Variants in ARHGAP44 observed in about 807,000 individuals in gnomAD.
The protein encoded by ARHGAP44 is Rho GTPase activating protein 44.
Under a neutral mutation model 106.8 loss-of-function variants are expected in ARHGAP44, and 43 were observed. That is an observed-to-expected ratio of 0.40 (90% CI 0.32 to 0.52). The LOEUF (loss-of-function observed/expected upper bound fraction) is 0.52. Ranked by LOEUF, ARHGAP44 falls within the 20% of genes least tolerant of loss-of-function variation. The pLI is 0.48. For synonymous variants in ARHGAP44, 439 were observed against 410.3 expected (o/e 1.07, Z -0.85); for missense variants, 866 against 1,050.5 (o/e 0.82, Z 2.43).
chr17:12,971,355 G>A lies in ARHGAP44; in HGVS notation c.1524-1947G>A, dbSNP rs145147972. ...TTTGGCCCAGACCTTCTCACCAGGT[G>A]GGAAAGCCTTTTTCAAGTAGAAGAG... On this transcript the variant is annotated intron_variant, in intron 16 of 20. Coordinates refer to ENST00000379672, the MANE Select transcript of ARHGAP44 (RefSeq NM_014859.6). 4.5e-4 allele frequency among the ~76,000 whole-genome samples: 69 copies of A among 152,166 alleles called. 1 individual carries two copies. In the East Asian group the frequency reaches 0.013, roughly 28 times the overall value.
At chr17:12,970,727 T>C (rs1388573741) in intron 16 of ARHGAP44, among the ~76,000 whole-genome samples, 1 of 152,226 alleles carries the variant, frequency 6.6e-6, no homozygotes, top group East Asian at 1.9e-4. Context: ...AGCAGTGCCT[T>C]GATTCCAGCT....
chr17:12,950,384 G>A (rs1042535640), intron 12 of ARHGAP44, among the ~76,000 whole-genome samples: 3 of 152,194 alleles, frequency 2.0e-5, no homozygotes, highest in East Asian at 1.9e-4. Context: ...CTGAAGATGC[G>A]CCCAAGGGAG....
chr17:12,809,752 A>G (rs1054448641), intron 1 of ARHGAP44, among the ~76,000 whole-genome samples: 3 of 152,190 alleles, frequency 2.0e-5, no homozygotes, highest in African/African-American at 7.2e-5. Flanking sequence ...AAGTGAGATA[A>G]TGGTCATCTA....
At chr17:12,897,434 CTTTTTT>C (rs11464642) in intron 3 of ARHGAP44, among the ~76,000 whole-genome samples, 1 of 140,588 alleles carries the variant, frequency 7.1e-6, no homozygotes, top group Non-Finnish European at 1.5e-5. Context: ...CGAGTCATTT[CTTTTTT>C]TTTTTTTTTC....
intron 6 of ARHGAP44, among the ~76,000 whole-genome samples, chr17:12,927,083 T>C (rs1160279317): frequency 6.6e-6 from 1 of 152,220 alleles, no homozygotes; most frequent in Non-Finnish European, 1.5e-5. Context: ...TCTTGATCTG[T>C]TATTTTTTTT....
chr17:12,879,683 G>GTGTATATA (rs1555550538), intron 1 of ARHGAP44, among the ~76,000 whole-genome samples: 1 of 113,334 alleles, frequency 8.8e-6, no homozygotes, highest in African/African-American at 2.7e-5. Flanking sequence ...GTGTGTATGT[G>GTGTATATA]TATATATATA....
intron 3 of ARHGAP44, among the ~76,000 whole-genome samples, chr17:12,903,126 G>A (rs9892250): frequency 2.4e-4 from 17 of 70,714 alleles, no homozygotes; most frequent in Admixed American, 5.2e-4. Flanking sequence ...GAGAGAGAGA[G>A]GAGAGAGAGA....
intron 4 of ARHGAP44, among the ~76,000 whole-genome samples, chr17:12,912,221 C>T (rs139900254): frequency 2.6e-5 from 4 of 152,184 alleles, no homozygotes; most frequent in South Asian, 2.1e-4. Context: ...AAATGAAAAA[C>T]AGGATGTTAA....
intron 1 of ARHGAP44, among the ~76,000 whole-genome samples, chr17:12,823,771 C>T (rs1046150470): frequency 1.3e-5 from 2 of 152,146 alleles, no homozygotes; most frequent in Non-Finnish European, 2.9e-5. Flanking sequence ...TCTATGTTGC[C>T]AGACTTTTGG....
In ARHGAP44 at chr17:12,937,960, G is replaced by T. The variant is rs527947254; in HGVS notation, c.583-3096G>T. 1.1e-4 allele frequency among the ~76,000 whole-genome samples: 16 copies of T among 152,168 alleles called. No homozygotes were observed. In the South Asian group the frequency reaches 3.3e-3, roughly 32 times the overall value. Reference sequence around the variant, plus strand: ...TTCTAAAAATACAGAAATTAGGTGGGTGTGGTGGCATGTCCCTGTAGTCCC... The same window carrying T: ...TTCTAAAAATACAGAAATTAGGTGGTTGTGGTGGCATGTCCCTGTAGTCCC... On this transcript the variant is annotated intron_variant, in intron 7 of 20. Coordinates refer to ENST00000379672, the MANE Select transcript of ARHGAP44 (RefSeq NM_014859.6).
At position 12,979,982 on chromosome 17, in the gene ARHGAP44, G is replaced by A. The variant is rs780969722; in HGVS notation, c.1764-76G>A. ...CACGGGGCCCAGAAGGACACACAGGGTGGCCATCGGCAAGGCTGGTGCTGC... is the reference window on the plus strand; with the variant it reads ...CACGGGGCCCAGAAGGACACACAGGATGGCCATCGGCAAGGCTGGTGCTGC... On this transcript the variant is annotated intron_variant, in intron 18 of 20. Coordinates refer to ENST00000379672, the MANE Select transcript of ARHGAP44 (RefSeq NM_014859.6). 69 of 1,437,810 alleles carry A rather than the reference G, an allele frequency of 4.8e-5. 1 individual carries two copies. The highest frequency in any genetic ancestry group is 2.4e-4 in the Middle Eastern group (1 of 4,172). The allele number at this position is 1,437,810 out of a possible 1,614,324, so 89.1% of individuals were successfully genotyped here. A position where few individuals can be genotyped will look rare whatever the true frequency, so the allele number is the denominator to read the frequency against.
chr17:12,956,866 AACACACAC>A (rs3076699), intron 15 of ARHGAP44, 120 bp downstream of exon 15: 3,489 of 597,482 alleles, frequency 5.8e-3, no homozygotes, highest in East Asian at 0.011. Context: ...TTCCCCTATA[AACACACAC>A]ACACACACAC....
At chr17:12,822,246 G>A (rs930140609) in intron 1 of ARHGAP44, among the ~76,000 whole-genome samples, 2 of 152,180 alleles carry the variant, frequency 1.3e-5, no homozygotes, top group Non-Finnish European at 2.9e-5. Flanking sequence ...CTAGTAGATC[G>A]AGTTATAATC....
At chr17:12,860,757 A>T in intron 1 of ARHGAP44, among the ~76,000 whole-genome samples, 1 of 151,842 alleles carries the variant, frequency 6.6e-6, no homozygotes, top group East Asian at 1.9e-4. Context: ...TCACCCTTTG[A>T]TTCAGGGAAG....
intron 16 of ARHGAP44, 59 bp from the exon 17 acceptor site, chr17:12,973,243 T>C (rs1260954202): frequency 1.9e-6 from 3 of 1,562,704 alleles, no homozygotes; most frequent in Non-Finnish European, 2.6e-6. Flanking sequence ...ACAACCTTTA[T>C]GTCCAAAGGA....
At chr17:12,803,898 T>C (rs572703892) in intron 1 of ARHGAP44, among the ~76,000 whole-genome samples, 9 of 152,372 alleles carry the variant, frequency 5.9e-5, no homozygotes, top group African/African-American at 2.2e-4. Flanking sequence ...TTTACGGCTC[T>C]AAGAAGTTCT....
chr17:12,810,490 G>T (rs1192905524), intron 1 of ARHGAP44, among the ~76,000 whole-genome samples: 1 of 152,136 alleles, frequency 6.6e-6, no homozygotes, highest in Non-Finnish European at 1.5e-5. Context: ...TTGAGGATGA[G>T]GGCTGGTCAC....
chr17:12,824,629 T>A (rs1288669207), intron 1 of ARHGAP44, among the ~76,000 whole-genome samples: 1 of 152,076 alleles, frequency 6.6e-6, no homozygotes, highest in East Asian at 1.9e-4. Context: ...GTAGCCAGAG[T>A]TGTCTTCAAT....
intron 7 of ARHGAP44, among the ~76,000 whole-genome samples, chr17:12,932,006 G>T (rs2038418397): frequency 6.6e-6 from 1 of 151,800 alleles, no homozygotes; most frequent in Non-Finnish European, 1.5e-5. Flanking sequence ...CTTATACCCT[G>T]GTAATTTTTT....
Sources: gnomAD v4.1 joint callset for allele counts (sites outside exome capture counted in the v4.1 genomes callset) on GRCh38, gnomAD v4.1.1 for gene constraint, MANE v1.5 for transcripts, NCBI Gene and HGNC (gene_info 2026-07-23, HGNC 2026-07-21) for gene names.